The following CNOT6L variants were observed in gnomAD, a reference collection of about 807,000 sequenced individuals.
CNOT6L encodes CCR4-NOT transcription complex subunit 6-like.
In CNOT6L, 7 loss-of-function variants were observed where a neutral mutation model predicts 64.0. That is an observed-to-expected ratio of 0.11 (90% CI 0.06 to 0.21). The LOEUF (loss-of-function observed/expected upper bound fraction) is 0.21, where lower values mean the gene tolerates loss of function less well. Ranked by LOEUF, CNOT6L falls within the 10% of genes least tolerant of loss-of-function variation. The pLI is 1.00. For missense variants in CNOT6L, 245 were observed against 669.0 expected (o/e 0.37, Z 6.99); for synonymous variants, 193 against 243.4 (o/e 0.79, Z 1.93).
intron 7 of CNOT6L, among the ~76,000 whole-genome samples, chr4:77,742,953 C>T (rs1723753835): frequency 6.6e-6 from 1 of 151,936 alleles, no homozygotes; most frequent in Non-Finnish European, 1.5e-5. Flanking sequence ...ACAGCAAAAA[C>T]CCATAAACAA....
intron 8 of CNOT6L, among the ~76,000 whole-genome samples, chr4:77,732,678 G>A (rs1441166614): frequency 6.6e-6 from 1 of 152,028 alleles, no homozygotes; most frequent in Non-Finnish European, 1.5e-5. Context: ...ACCCTCTAAA[G>A]AGGTAATCTA....
intron 11 of CNOT6L, 101 bp from the exon 12 acceptor site, chr4:77,720,744 G>T: frequency 8.8e-7 from 1 of 1,142,270 alleles, no homozygotes; most frequent in South Asian, 1.5e-5. Flanking sequence ...CTTTCTTCTG[G>T]TACCTGTTGT....
At chr4:77,763,300 T>C (rs570281562) in intron 4 of CNOT6L, among the ~76,000 whole-genome samples, 3 of 151,916 alleles carry the variant, frequency 2.0e-5, no homozygotes, top group East Asian at 3.9e-4. Context: ...ACACAAAAGG[T>C]TGAAAGTAAA....
intron 2 of CNOT6L, 141 bp from the exon 3 acceptor site, chr4:77,774,857 C>T: frequency 1.8e-6 from 1 of 544,560 alleles, no homozygotes; most frequent in East Asian, 3.3e-5. Flanking sequence ...TTATTTAATG[C>T]CATTTGATTG....
At chr4:77,750,525 T>C (rs1028016810) in intron 5 of CNOT6L, among the ~76,000 whole-genome samples, 1 of 152,090 alleles carries the variant, frequency 6.6e-6, no homozygotes, top group African/African-American at 2.4e-5. Flanking sequence ...CTAATTTTTT[T>C]TGTATTTTCA....
At chr4:77,744,689 TAAAG>T in intron 7 of CNOT6L, 25 bp downstream of exon 7, 1 of 1,575,192 alleles carries the variant, frequency 6.3e-7, no homozygotes, top group Non-Finnish European at 8.6e-7. Flanking sequence ...CCTTTTAAGT[TAAAG>T]ACAGTTTAAT....
chr4:77,790,531 G>A (rs1033775498), intron 1 of CNOT6L, among the ~76,000 whole-genome samples: 1 of 152,156 alleles, frequency 6.6e-6, no homozygotes, highest in African/African-American at 2.4e-5. Flanking sequence ...ATTCTCACCA[G>A]CAATGAATTC....
intron 4 of CNOT6L, among the ~76,000 whole-genome samples, chr4:77,760,696 C>T (rs1317157972): frequency 1.3e-5 from 2 of 150,492 alleles, no homozygotes; most frequent in Non-Finnish European, 3.0e-5. Flanking sequence ...AATGAAGGGA[C>T]AGCCAAAAAG....
rs1196499278 is a variant in CNOT6L, at chr4:77,742,265, A to G, written c.748T>C (p.Phe250Leu). The G allele has an allele frequency of 6.2e-7, 1 of 1,612,260 alleles. No individual in the cohort carries two copies. Among genetic ancestry groups the G allele is most frequent in the Non-Finnish European group, 8.5e-7 (1 of 1,179,168 alleles). The change falls in exon 8 of 12, where the codon TTT becomes CTT. Residue 250 changes from phenylalanine to leucine, a missense_variant. By Grantham distance (22) the Phe-to-Leu change is conservative. Coordinates refer to ENST00000504123, the MANE Select transcript of CNOT6L (RefSeq NM_144571.3). The part of the protein sequence containing the change: ...EVETEQYFTL[F>L]LPALKERGYD... Reference sequence around the variant, plus strand: ...CCACGCTCCTTCAATGCTGGCAGAAAGAGAGTGAAGTATTGCTCTGTTTCC... The same window carrying G: ...CCACGCTCCTTCAATGCTGGCAGAAGGAGAGTGAAGTATTGCTCTGTTTCC...
At chr4:77,819,443 G>A, upstream of CNOT6L, 1 of 1,568,712 alleles carries the variant, frequency 6.4e-7, no homozygotes, top group South Asian at 1.1e-5. Context: ...AGACGCAGAC[G>A]CAAACACAAA....
intron 4 of CNOT6L, among the ~76,000 whole-genome samples, chr4:77,772,000 G>C (rs1297937767): frequency 6.6e-6 from 1 of 152,188 alleles, no homozygotes; most frequent in Non-Finnish European, 1.5e-5. Context: ...ACAAATTTCA[G>C]TGTTTCTATG....
intron 1 of CNOT6L, among the ~76,000 whole-genome samples, chr4:77,804,744 T>C (rs1431067515): frequency 1.3e-5 from 2 of 152,204 alleles, no homozygotes; most frequent in Admixed American, 1.3e-4. Flanking sequence ...AAATGGTGAA[T>C]GTTTGTGTTA....
intron 1 of CNOT6L, among the ~76,000 whole-genome samples, chr4:77,781,568 T>C (rs1331322745): frequency 6.6e-6 from 1 of 152,154 alleles, no homozygotes; most frequent in Non-Finnish European, 1.5e-5. Flanking sequence ...AAATATACTA[T>C]TGTTAACCCC....
intron 1 of CNOT6L, among the ~76,000 whole-genome samples, chr4:77,805,114 C>T (rs1308046029): frequency 1.3e-5 from 2 of 152,086 alleles, no homozygotes; most frequent in African/African-American, 2.4e-5. Flanking sequence ...TGGATTTAGG[C>T]ATACACAAGG....
chr4:77,736,028 A>G (rs1044212173), intron 8 of CNOT6L, among the ~76,000 whole-genome samples: 2 of 152,204 alleles, frequency 1.3e-5, no homozygotes, highest in African/African-American at 2.4e-5. Context: ...ATACTGCCAT[A>G]CTTTTGACTT....
chr4:77,764,412 T>C (rs1726577430), intron 4 of CNOT6L, among the ~76,000 whole-genome samples: 1 of 152,076 alleles, frequency 6.6e-6, no homozygotes. Context: ...AAAGGGAAAA[T>C]ATCAGAGATG....
chr4:77,759,737 T>C lies in CNOT6L; in HGVS notation c.401-2786A>G, dbSNP rs1725968653. 2.6e-5 allele frequency among the ~76,000 whole-genome samples: 4 copies of C among 152,050 alleles called. No individual in the cohort carries two copies. The South Asian group carries it at 8.3e-4, about 31-fold the overall frequency. On this transcript the variant is annotated intron_variant, in intron 4 of 11. Coordinates refer to ENST00000504123, the MANE Select transcript of CNOT6L (RefSeq NM_144571.3). ...ATTGAGACTTCAAACACTCCTATGG[T>C]TACTGACAGAAAAAAGCACACAAAA... is the stretch of plus-strand genomic sequence containing the variant.
chr4:77,758,493 T>C (rs1725822238), intron 4 of CNOT6L, among the ~76,000 whole-genome samples: 1 of 152,186 alleles, frequency 6.6e-6, no homozygotes, highest in Admixed American at 6.6e-5. Flanking sequence ...AAGACTTAAG[T>C]TCTGATCCAA....
At chr4:77,818,498 A>AT (rs566325082) in intron 1 of CNOT6L, among the ~76,000 whole-genome samples, 7 of 152,160 alleles carry the variant, frequency 4.6e-5, no homozygotes, top group Non-Finnish European at 8.8e-5. Flanking sequence ...AAAAATCCAA[A>AT]ATATTTACTC....
Sources: allele counts gnomAD v4.1 joint callset (sites outside exome capture counted in the v4.1 genomes callset), GRCh38; gene constraint gnomAD v4.1.1; transcripts MANE v1.5; gene names NCBI Gene and HGNC (gene_info 2026-07-23, HGNC 2026-07-21).